Variants in DCAF1 observed in about 807,000 individuals in gnomAD.
DCAF1 encodes the protein DDB1 and CUL4 associated factor 1.
Under a neutral mutation model 128.0 loss-of-function variants are expected in DCAF1, and 15 were observed. The ratio of observed to expected loss-of-function variants is 0.12; its 90% CI spans 0.08 to 0.18. The LOEUF (loss-of-function observed/expected upper bound fraction) is 0.18. Ranked by LOEUF, DCAF1 falls within the 10% of genes least tolerant of loss-of-function variation. DCAF1 has a pLI of 1.00. For missense variants in DCAF1, 988 were observed against 1,649.5 expected (o/e 0.60, Z 6.95); for synonymous variants, 610 against 603.0 (o/e 1.01, Z -0.17).
chr3:51,455,768 G>A (rs1347518855), intron 6 of DCAF1, among the ~76,000 whole-genome samples: 7 of 151,878 alleles, frequency 4.6e-5, no homozygotes, highest in South Asian at 2.1e-4. Flanking sequence ...ATGGTGGCAC[G>A]AGCCTGTAGT....
upstream of DCAF1, chr3:51,500,116 G>GAAAAAAAAA (rs55767863): frequency 3.6e-5 from 1 of 27,836 alleles, no homozygotes; most frequent in Admixed American, 5.0e-4. Flanking sequence ...CACGATCGGG[G>GAAAAAAAAA]AAAAAAAAAA....
chr3:51,423,600 C>G (rs1421802473), intron 13 of DCAF1, among the ~76,000 whole-genome samples: 1 of 151,492 alleles, frequency 6.6e-6, no homozygotes, highest in East Asian at 1.9e-4. Context: ...GGCGGATGAC[C>G]TGAGGTCAGG....
rs561347425 is a variant in DCAF1 at position 51,497,212 on chromosome 3, T to C, written c.-55-432A>G. ...CCAGAGGCTGAGGCATGAGAATCGC[T>C]TGAACCTGGGAGGCAGAGGTTACAG... is the stretch of plus-strand genomic sequence containing the variant. On this transcript the variant is annotated intron_variant, in intron 1 of 24. Transcript: ENST00000684031. Among the ~76,000 whole-genome samples the C allele has an allele frequency of 4.6e-5, 7 of 152,206 alleles. No homozygotes were observed. The South Asian group carries it at 1.0e-3, about 23-fold the overall frequency.
At chr3:51,438,219 T>G (rs1349456621) in intron 9 of DCAF1, 1 of 319,098 alleles carries the variant, frequency 3.1e-6, no homozygotes, top group Non-Finnish European at 6.0e-6. Flanking sequence ...TTTCCATGGT[T>G]CAAGAAACAA....
chr3:51,424,449 T>C (rs1230726512), intron 13 of DCAF1, among the ~76,000 whole-genome samples: 3 of 151,108 alleles, frequency 2.0e-5, no homozygotes, highest in Non-Finnish European at 2.9e-5. Context: ...AGCTCCTATA[T>C]ATTGCTGGTG....
chr3:51,502,574 T>A (rs541184269), upstream of DCAF1, among the ~76,000 whole-genome samples: 11 of 152,070 alleles, frequency 7.2e-5, no homozygotes, highest in East Asian at 1.2e-3. Context: ...AATTTTTTTT[T>A]AATTTTTTTA....
chr3:51,413,710 T>A (rs1698633265), intron 20 of DCAF1, among the ~76,000 whole-genome samples: 1 of 152,230 alleles, frequency 6.6e-6, no homozygotes, highest in Non-Finnish European at 1.5e-5. Flanking sequence ...AAATACTGCA[T>A]GAAATTTCTT....
chr3:51,421,725 C>T (rs1699407833), intron 14 of DCAF1, among the ~76,000 whole-genome samples: 1 of 152,142 alleles, frequency 6.6e-6, no homozygotes, highest in African/African-American at 2.4e-5. Context: ...CACGACTTCC[C>T]ATGCTCACCC....
In DCAF1 at chr3:51,398,697, G is replaced by A; in HGVS notation, c.*72C>T. 1 of 1,534,730 alleles carries A rather than the reference G, an allele frequency of 6.5e-7. No individual in the cohort carries two copies. The highest frequency in any genetic ancestry group is 1.2e-5 in the South Asian group (1 of 83,736). ...ACAGACAGCCCTGGGAGAAAGAGAA[G>A]GGAATATGTTCTGAATTCATTTGAC... On this transcript the variant is annotated 3_prime_UTR_variant, in exon 25 of 25. Coordinates refer to ENST00000684031, the MANE Select transcript of DCAF1 (RefSeq NM_001387579.1).
chr3:51,429,658 G>A (rs1312845670), intron 11 of DCAF1, among the ~76,000 whole-genome samples, 188 bp from the exon 12 acceptor site: 2 of 152,018 alleles, frequency 1.3e-5, no homozygotes, highest in Non-Finnish European at 1.5e-5. Context: ...GTATATCTAT[G>A]TATATAGCAT....
intron 7 of DCAF1, 122 bp from the exon 8 acceptor site, chr3:51,442,019 G>C: frequency 2.3e-6 from 3 of 1,304,116 alleles, no homozygotes; most frequent in South Asian, 3.1e-5. Flanking sequence ...GCCTGTAATA[G>C]CAACAATTTG....
At chr3:51,456,245 C>T (rs1553642786) in intron 6 of DCAF1, among the ~76,000 whole-genome samples, 1 of 152,212 alleles carries the variant, frequency 6.6e-6, no homozygotes, top group Non-Finnish European at 1.5e-5. Flanking sequence ...AAAAACGGCA[C>T]ACCAGGAGAT....
At chr3:51,471,459 A>G (rs957549009) in intron 3 of DCAF1, among the ~76,000 whole-genome samples, 43 of 151,972 alleles carry the variant, frequency 2.8e-4, no homozygotes, top group African/African-American at 9.9e-4. Flanking sequence ...CTGGGATGAC[A>G]GACGTGAGCC....
chr3:51,482,783 A>C (rs1457479573), intron 3 of DCAF1, among the ~76,000 whole-genome samples: 13 of 151,436 alleles, frequency 8.6e-5, no homozygotes, highest in Admixed American at 4.6e-4. Context: ...AAAAAAAAAA[A>C]AAGATACATT....
intron 9 of DCAF1, 66 bp downstream of exon 9, chr3:51,440,904 T>C (rs190577312): frequency 1.6e-5 from 22 of 1,391,906 alleles, no homozygotes; most frequent in Non-Finnish European, 2.2e-5. Context: ...AGACTCCATC[T>C]TAAATTTAAA....
intron 6 of DCAF1, among the ~76,000 whole-genome samples, chr3:51,459,813 A>T (rs1397492039): frequency 1.3e-5 from 2 of 152,228 alleles, no homozygotes; most frequent in African/African-American, 4.8e-5. Context: ...AAACCACATG[A>T]TTATCTCAAT....
rs574188925 is a variant in DCAF1, at chr3:51,450,950, T to TA, written c.376-7048dup. Among the ~76,000 whole-genome samples the TA allele has an allele frequency of 2.7e-5, 4 of 150,410 alleles. No homozygotes were observed. In the East Asian group the frequency reaches 8.0e-4, roughly 30 times the overall value. Reference sequence around the variant, plus strand: ...TATGTGTAAAACCCTAAAGACTCCATACACAAAAAAACCTGTCAGTGAAGT... The same window carrying TA: ...TATGTGTAAAACCCTAAAGACTCCATAACACAAAAAAACCTGTCAGTGAAGT... On this transcript the variant is annotated intron_variant, in intron 6 of 24. Transcript: ENST00000684031.
At chr3:51,404,032 A>G (rs1395139025) in intron 23 of DCAF1, among the ~76,000 whole-genome samples, 3 of 152,266 alleles carry the variant, frequency 2.0e-5, no homozygotes, top group Non-Finnish European at 4.4e-5. Context: ...CATTCTTACA[A>G]GAACTTGCAA....
chr3:51,427,533 T>A lies in DCAF1; in HGVS notation c.1686A>T (p.Ser562=). ...VHPQPPYKAC[S]YTHEQIVEMM... Reference sequence around the variant, plus strand: ...TTTCCACAATCTGTTCATGAGTATATGAGCATGCCTATAAGGAGAGATATA... The same window carrying A: ...TTTCCACAATCTGTTCATGAGTATAAGAGCATGCCTATAAGGAGAGATATA... The change falls in exon 13 of 25, where the codon TCA becomes TCT. Residue 562 remains serine, a synonymous_variant. Coordinates refer to ENST00000684031, the MANE Select transcript of DCAF1 (RefSeq NM_001387579.1). The A allele has an allele frequency of 1.4e-6, 1 of 736,734 alleles. No homozygotes were observed. Among genetic ancestry groups the A allele is most frequent in the Non-Finnish European group, 2.5e-6 (1 of 397,480 alleles). 45.6% of individuals were successfully genotyped at this position (736,734 alleles called of 1,614,324 possible).
Sources: allele counts gnomAD v4.1 joint callset (sites outside exome capture counted in the v4.1 genomes callset), GRCh38; gene constraint gnomAD v4.1.1; transcripts MANE v1.5; gene names NCBI Gene and HGNC (gene_info 2026-07-23, HGNC 2026-07-21).